The following PXDNL variants were observed in gnomAD, a reference collection of about 807,000 sequenced individuals.
PXDNL encodes peroxidasin like.
In PXDNL, 145 loss-of-function variants were observed where a neutral mutation model predicts 150.8. The ratio of observed to expected loss-of-function variants is 0.96; its 90% CI spans 0.84 to 1.10. The LOEUF (loss-of-function observed/expected upper bound fraction) is 1.10, where lower values mean the gene tolerates loss of function less well. PXDNL is among the 50% of genes least tolerant of loss of function. PXDNL has a pLI of 0.00. For synonymous variants in PXDNL, 757 were observed against 725.7 expected (o/e 1.04, Z -0.69); for missense variants, 2,087 against 1,873.9 (o/e 1.11, Z -2.10).
chr8:51,643,903 A>G (rs972032234), intron 2 of PXDNL, among the ~76,000 whole-genome samples: 2 of 152,180 alleles, frequency 1.3e-5, no homozygotes, highest in African/African-American at 4.8e-5. Context: ...ACTTCTCAAA[A>G]GAAGACAATT....
At chr8:51,666,072 A>AC (rs1236123198) in intron 1 of PXDNL, among the ~76,000 whole-genome samples, 1 of 152,186 alleles carries the variant, frequency 6.6e-6, no homozygotes, top group African/African-American at 2.4e-5. Flanking sequence ...TTCTTCTTCA[A>AC]CCCACTGCAA....
rs538387639 is a variant in PXDNL, at chr8:51,542,538, G to A, written c.380+14302C>T. Among the ~76,000 whole-genome samples the A allele has an allele frequency of 2.2e-3, 338 of 151,446 alleles. 3 individuals carry two copies. The highest frequency in any genetic ancestry group is 4.4e-3 in the Non-Finnish European group (298 of 67,884). ...GAGAGAGAGAAGTCGACCAGGTGCT[G>A]TGGCTCATTTCTGTAATCTCAGCAA... is the stretch of plus-strand genomic sequence containing the variant. On this transcript the variant is annotated intron_variant, in intron 4 of 22. Transcript: ENST00000356297.
intron 3 of PXDNL, among the ~76,000 whole-genome samples, chr8:51,570,255 T>TTG (rs1812905790): frequency 7.6e-6 from 1 of 132,336 alleles, no homozygotes; most frequent in African/African-American, 3.9e-5. Flanking sequence ...CATGACGCTG[T>TTG]GGGTTCCACT....
intron 21 of PXDNL, among the ~76,000 whole-genome samples, chr8:51,327,654 A>G (rs955970927): frequency 5.3e-5 from 8 of 152,206 alleles, no homozygotes; most frequent in African/African-American, 1.9e-4. Flanking sequence ...CTGAAGAACC[A>G]CATCTCCTAC....
intron 4 of PXDNL, among the ~76,000 whole-genome samples, chr8:51,525,169 C>A (rs1254617139): frequency 6.6e-6 from 1 of 152,088 alleles, no homozygotes; most frequent in African/African-American, 2.4e-5. Flanking sequence ...TTCCCCACAA[C>A]AGGAAAAGTG....
chr8:51,653,546 A>T (rs1230857926), intron 2 of PXDNL, among the ~76,000 whole-genome samples: 1 of 152,202 alleles, frequency 6.6e-6, no homozygotes, highest in Non-Finnish European at 1.5e-5. Context: ...GTTTTCGTAC[A>T]TTGCACTTTG....
intron 2 of PXDNL, among the ~76,000 whole-genome samples, chr8:51,627,384 T>C (rs1814383161): frequency 1.3e-5 from 2 of 152,196 alleles, no homozygotes; most frequent in African/African-American, 4.8e-5. Flanking sequence ...TACTGAAAAT[T>C]TTAAAAATCT....
intron 1 of PXDNL, among the ~76,000 whole-genome samples, chr8:51,739,861 G>A (rs1399191743): frequency 8.1e-6 from 1 of 123,928 alleles, no homozygotes; most frequent in Non-Finnish European, 1.6e-5. Flanking sequence ...GAGAAAAAGA[G>A]CGAGATTCTG....
At chr8:51,522,824 A>G (rs1019532734) in intron 4 of PXDNL, among the ~76,000 whole-genome samples, 3 of 152,196 alleles carry the variant, frequency 2.0e-5, no homozygotes, top group African/African-American at 4.8e-5. Context: ...AGCCTGGGCA[A>G]CAAGAGTGAA....
chr8:51,785,272 T>C (rs1324329605), intron 1 of PXDNL, among the ~76,000 whole-genome samples: 1 of 152,208 alleles, frequency 6.6e-6, no homozygotes, highest in Non-Finnish European at 1.5e-5. Flanking sequence ...ATGAAATGAT[T>C]AACATGGTTC....
At chr8:51,640,288 T>G (rs556576309) in intron 2 of PXDNL, among the ~76,000 whole-genome samples, 3 of 152,256 alleles carry the variant, frequency 2.0e-5, no homozygotes, top group South Asian at 4.2e-4. Flanking sequence ...CTTTGAAAAC[T>G]GGCACAAGAC....
At chr8:51,617,220 G>A (rs1158873506) in intron 2 of PXDNL, among the ~76,000 whole-genome samples, 2 of 152,286 alleles carry the variant, frequency 1.3e-5, no homozygotes, top group African/African-American at 4.8e-5. Flanking sequence ...AAATGCACAT[G>A]AAATTTAAAA....
chr8:51,443,570 T>C (rs1358266136), intron 12 of PXDNL, among the ~76,000 whole-genome samples: 1 of 152,208 alleles, frequency 6.6e-6, no homozygotes, highest in Non-Finnish European at 1.5e-5. Context: ...AAACTGAGAA[T>C]TTAAAAATTT....
At chr8:51,341,043 A>T (rs1465852736) in intron 20 of PXDNL, among the ~76,000 whole-genome samples, 1 of 152,234 alleles carries the variant, frequency 6.6e-6, no homozygotes, top group Non-Finnish European at 1.5e-5. Context: ...GATGTTGTGG[A>T]GTAGGACGGT....
chr8:51,489,453 C>A (rs1353725152), intron 5 of PXDNL, among the ~76,000 whole-genome samples: 1 of 152,102 alleles, frequency 6.6e-6, no homozygotes, highest in Non-Finnish European at 1.5e-5. Context: ...GTAGCTGAGA[C>A]TACAGGTGCC....
chr8:51,384,960 A>C (rs1033613850), intron 17 of PXDNL, among the ~76,000 whole-genome samples: 1 of 152,140 alleles, frequency 6.6e-6, no homozygotes, highest in African/African-American at 2.4e-5. Flanking sequence ...AAACAGAATA[A>C]AATCAAAGAA....
intron 13 of PXDNL, among the ~76,000 whole-genome samples, chr8:51,425,888 C>T (rs1310756989): frequency 6.6e-6 from 1 of 152,022 alleles, no homozygotes; most frequent in Non-Finnish European, 1.5e-5. Flanking sequence ...TAAACTTACT[C>T]TTCATAGAGA....
At chr8:51,535,201 C>A (rs1449014799) in intron 4 of PXDNL, among the ~76,000 whole-genome samples, 1 of 138,144 alleles carries the variant, frequency 7.2e-6, no homozygotes, top group Admixed American at 6.9e-5. Flanking sequence ...CCGGCCAGGA[C>A]CCCGTCTGGG....
intron 8 of PXDNL, among the ~76,000 whole-genome samples, chr8:51,468,475 C>A (rs1048592548): frequency 1.4e-5 from 2 of 146,902 alleles, no homozygotes; most frequent in African/African-American, 5.2e-5. Flanking sequence ...CGACTTTCCA[C>A]CTCTCAGTGT....
Sources: gnomAD v4.1 joint callset for allele counts (sites outside exome capture counted in the v4.1 genomes callset) on GRCh38, gnomAD v4.1.1 for gene constraint, MANE v1.5 for transcripts, NCBI Gene and HGNC (gene_info 2026-07-23, HGNC 2026-07-21) for gene names.